LRP1B: variants seen among roughly 807,000 people sequenced by gnomAD.
The protein encoded by LRP1B is LDL receptor related protein 1B, also known as low-density lipoprotein receptor-related protein 1B.
In LRP1B, 217 loss-of-function variants were observed where a neutral mutation model predicts 556.6. That is an observed-to-expected ratio of 0.39 (90% CI 0.35 to 0.44). The LOEUF (loss-of-function observed/expected upper bound fraction) is 0.44, where lower values mean the gene tolerates loss of function less well. LRP1B is among the 20% of genes least tolerant of loss of function. LRP1B has a pLI of 1.00. For missense variants in LRP1B, 5,053 were observed against 5,620.8 expected, an observed-to-expected ratio of 0.90 and a Z score of 3.23; for synonymous variants, 2,047 against 1,865.8, an observed-to-expected ratio of 1.10 and a Z score of -2.50.
intron 2 of LRP1B, among the ~76,000 whole-genome samples, chr2:141,503,433 G>T (rs2105136834): frequency 6.6e-6 from 1 of 151,916 alleles, no homozygotes; most frequent in South Asian, 2.1e-4. Flanking sequence ...TAAGAAATCT[G>T]AGAGTCAAAT....
intron 7 of LRP1B, among the ~76,000 whole-genome samples, chr2:141,164,582 G>C (rs757423709): frequency 1.3e-5 from 2 of 151,818 alleles, no homozygotes; most frequent in Non-Finnish European, 2.9e-5. Context: ...CAACTAGCAG[G>C]GTATCAAATT....
At chr2:141,018,013 A>T (rs892438069) in intron 12 of LRP1B, among the ~76,000 whole-genome samples, 1 of 151,774 alleles carries the variant, frequency 6.6e-6, no homozygotes, top group African/African-American at 2.4e-5. Flanking sequence ...AAAAAAAAAA[A>T]AAATTATGAA....
intron 1 of LRP1B, among the ~76,000 whole-genome samples, chr2:141,946,206 T>C (rs1700950858): frequency 1.3e-5 from 2 of 152,280 alleles, no homozygotes; most frequent in Admixed American, 1.3e-4. Flanking sequence ...TCTTCCTGCC[T>C]GCTCCTGCTC....
chr2:141,296,680 A>T (rs562219528), intron 3 of LRP1B, among the ~76,000 whole-genome samples: 1 of 152,360 alleles, frequency 6.6e-6, no homozygotes, highest in Admixed American at 6.5e-5. Context: ...CATACATTGC[A>T]TTAAGTATGT....
intron 1 of LRP1B, among the ~76,000 whole-genome samples, chr2:142,055,526 C>T (rs1029398789): frequency 6.6e-6 from 1 of 152,154 alleles, no homozygotes; most frequent in African/African-American, 2.4e-5. Flanking sequence ...CCCGTATAGA[C>T]ATTTGAGCCT....
chr2:142,072,464 C>CCCTAA (rs1574654610), intron 1 of LRP1B, among the ~76,000 whole-genome samples: 1 of 152,094 alleles, frequency 6.6e-6, no homozygotes, highest in East Asian at 1.9e-4. Flanking sequence ...AACACATGCT[C>CCCTAA]CCTAACCCCT....
At chr2:142,025,191 A>C (rs1189732230) in intron 1 of LRP1B, among the ~76,000 whole-genome samples, 1 of 152,064 alleles carries the variant, frequency 6.6e-6, no homozygotes, top group Non-Finnish European at 1.5e-5. Flanking sequence ...CATTTCCCAC[A>C]CTCAATCAGT....
chr2:140,496,444 T>G (rs901973500), intron 55 of LRP1B, among the ~76,000 whole-genome samples: 3 of 152,090 alleles, frequency 2.0e-5, no homozygotes, highest in Admixed American at 6.6e-5. Context: ...GATATGTAGG[T>G]GTCCGAATAA....
At chr2:141,573,340 G>A (rs1686603569) in intron 2 of LRP1B, among the ~76,000 whole-genome samples, 1 of 152,142 alleles carries the variant, frequency 6.6e-6, no homozygotes, top group East Asian at 1.9e-4. Flanking sequence ...GCTCCTGAAT[G>A]ACTCCTGGGT....
chr2:140,435,071 T>C lies in LRP1B; in HGVS notation c.10414+7433A>G, dbSNP rs148107334. Among the ~76,000 whole-genome samples the C allele has an allele frequency of 4.1e-3, 619 of 152,244 alleles. 5 individuals carry two copies. The highest frequency in any genetic ancestry group is 0.014 in the African/African-American group (579 of 41,558). ...CATGGTACTAAGCAAAACTGAGTAA[T>C]AGCTAAAATTACAAATGCTAGAATA... On this transcript the variant is annotated intron_variant, in intron 66 of 90. Coordinates refer to ENST00000389484, the MANE Select transcript of LRP1B (RefSeq NM_018557.3).
chr2:141,241,045 A>C (rs930556322), intron 5 of LRP1B, among the ~76,000 whole-genome samples: 2 of 152,086 alleles, frequency 1.3e-5, no homozygotes, highest in African/African-American at 2.4e-5. Flanking sequence ...AACCAAAACC[A>C]ACATAGAATA....
At chr2:141,449,884 T>C (rs375198643) in intron 3 of LRP1B, among the ~76,000 whole-genome samples, 3 of 152,174 alleles carry the variant, frequency 2.0e-5, no homozygotes, top group African/African-American at 7.2e-5. Flanking sequence ...CTGTGCATTG[T>C]AGGATGTTTA....
chr2:141,257,787 G>A (rs375913132), intron 3 of LRP1B, among the ~76,000 whole-genome samples: 14 of 152,206 alleles, frequency 9.2e-5, no homozygotes, highest in Non-Finnish European at 1.6e-4. Flanking sequence ...GAACCATGAA[G>A]AACTAACAAT....
chr2:140,877,392 G>T (rs1232083714), intron 25 of LRP1B, among the ~76,000 whole-genome samples: 2 of 151,938 alleles, frequency 1.3e-5, no homozygotes, highest in African/African-American at 4.8e-5. Context: ...AGCCACCTAG[G>T]AATAAAACAT....
At chr2:141,061,700 C>T (rs1191466123) in intron 8 of LRP1B, among the ~76,000 whole-genome samples, 1 of 151,822 alleles carries the variant, frequency 6.6e-6, no homozygotes, top group East Asian at 1.9e-4. Context: ...TCCAGCTCCT[C>T]ATGAATGAAC....
chr2:140,714,146 T>A (rs1687131108), intron 37 of LRP1B, among the ~76,000 whole-genome samples: 1 of 152,140 alleles, frequency 6.6e-6, no homozygotes, highest in Admixed American at 6.6e-5. Flanking sequence ...AGAGGCAACA[T>A]CTTATTCATG....
intron 11 of LRP1B, among the ~76,000 whole-genome samples, chr2:141,044,277 G>T (rs1698799235): frequency 2.0e-5 from 3 of 151,528 alleles, no homozygotes; most frequent in Non-Finnish European, 4.4e-5. Context: ...ATTCAAGGTG[G>T]ATTAAAGACT....
chr2:140,883,559 GAA>G (rs35055775), intron 25 of LRP1B, among the ~76,000 whole-genome samples: 1 of 131,854 alleles, frequency 7.6e-6, no homozygotes, highest in African/African-American at 2.8e-5. Context: ...CCCACATTTA[GAA>G]AAAAAAAAAA....
intron 3 of LRP1B, among the ~76,000 whole-genome samples, chr2:141,320,452 G>C (rs939661772): frequency 6.6e-6 from 1 of 151,950 alleles, no homozygotes; most frequent in African/African-American, 2.4e-5. Context: ...GGGCGGTGAG[G>C]GGAGAAAAGA....
Sources: allele counts gnomAD v4.1 joint callset (sites outside exome capture counted in the v4.1 genomes callset), GRCh38; gene constraint gnomAD v4.1.1; transcripts MANE v1.5; gene names NCBI Gene and HGNC (gene_info 2026-07-23, HGNC 2026-07-21).